The following COPB2 variants were observed in gnomAD, a reference collection of about 807,000 sequenced individuals.
COPB2 encodes coatomer subunit beta'.
In COPB2, 16 loss-of-function variants were observed where a neutral mutation model predicts 120.8. That is an observed-to-expected ratio of 0.13 (90% CI 0.09 to 0.20). The LOEUF (loss-of-function observed/expected upper bound fraction) is 0.20, where lower values mean the gene tolerates loss of function less well. COPB2 is among the 10% of genes least tolerant of loss of function. The probability of loss-of-function intolerance (pLI) is 1.00; values close to 1 mark genes in which losing one functional copy is unlikely to be tolerated. For missense variants in COPB2, 794 were observed against 1,076.5 expected (o/e 0.74, Z 3.67); for synonymous variants, 332 against 366.3 (o/e 0.91, Z 1.07).
intron 1 of COPB2, among the ~76,000 whole-genome samples, chr3:139,385,777 T>C (rs1398129794): frequency 2.6e-5 from 4 of 152,234 alleles, no homozygotes; most frequent in African/African-American, 7.2e-5. Flanking sequence ...AATGCCATTA[T>C]AGGAGAAAAG....
At chr3:139,383,719 G>T (rs1247311868) in intron 1 of COPB2, among the ~76,000 whole-genome samples, 3 of 152,208 alleles carry the variant, frequency 2.0e-5, no homozygotes, top group Middle Eastern at 6.8e-3. Context: ...TTTTGTTTAT[G>T]TGAGTTTTAG....
chr3:139,358,400 C>T lies in COPB2; in HGVS notation c.2554-129G>A. ...ATGTTTAAAAGTGAACCATCTCAGC[C>T]AGGCACAGTGGCTCACGCCTGTAAT... is the stretch of plus-strand genomic sequence containing the variant. On this transcript the variant is annotated intron_variant, in intron 20 of 21. Coordinates refer to ENST00000333188, the MANE Select transcript of COPB2 (RefSeq NM_004766.3). The T allele has an allele frequency of 3.6e-6, 3 of 822,798 alleles. No homozygotes were observed. In the South Asian group the frequency reaches 4.8e-5, roughly 13 times the overall value. 51.0% of individuals were successfully genotyped at this position (822,798 alleles called of 1,614,324 possible).
intron 15 of COPB2, among the ~76,000 whole-genome samples, chr3:139,363,422 T>C (rs1941462441): frequency 6.6e-6 from 1 of 152,210 alleles, no homozygotes; most frequent in Non-Finnish European, 1.5e-5. Flanking sequence ...AGACTCTTAA[T>C]GCCTGACGAT....
chr3:139,363,787 C>T (rs1941467246), intron 15 of COPB2, among the ~76,000 whole-genome samples: 1 of 152,172 alleles, frequency 6.6e-6, no homozygotes. Flanking sequence ...AATGTTTTAA[C>T]TTCTCAGCTT....
rs542412053 is a variant in COPB2 at position 139,375,347 on chromosome 3, A to G, written c.651+121T>C. On this transcript the variant is annotated intron_variant, in intron 6 of 21. Coordinates refer to ENST00000333188, the MANE Select transcript of COPB2 (RefSeq NM_004766.3). Reference sequence around the variant, plus strand: ...TTCTGGGAACACAGTTTAGGTGCAAATACTGATACCTTAAGTTATTATGCT... The same window carrying G: ...TTCTGGGAACACAGTTTAGGTGCAAGTACTGATACCTTAAGTTATTATGCT... 4 of 948,572 alleles carry G rather than the reference A, an allele frequency of 4.2e-6. No individual in the cohort carries two copies. In the South Asian group the frequency reaches 1.0e-4, roughly 25 times the overall value. The allele number at this position is 948,572 out of a possible 1,614,324, so 58.8% of individuals were successfully genotyped here. A position where few individuals can be genotyped will look rare whatever the true frequency, so the allele number is the denominator to read the frequency against.
intron 10 of COPB2, among the ~76,000 whole-genome samples, chr3:139,371,244 G>A (rs1445408917): frequency 6.6e-6 from 1 of 152,238 alleles, no homozygotes; most frequent in Non-Finnish European, 1.5e-5. Context: ...AGAATGGGCA[G>A]TGGGTACTAT....
At chr3:139,385,976 G>C (rs1941912030) in intron 1 of COPB2, among the ~76,000 whole-genome samples, 1 of 152,098 alleles carries the variant, frequency 6.6e-6, no homozygotes, top group Admixed American at 6.5e-5. Context: ...ATCATGAATG[G>C]GACAGAAATT....
chr3:139,360,473 A>G (rs1941395525), intron 17 of COPB2, among the ~76,000 whole-genome samples: 4 of 145,934 alleles, frequency 2.7e-5, no homozygotes, highest in Non-Finnish European at 6.0e-5. Context: ...AGCCGAGATC[A>G]TGCCACTGCA....
chr3:139,357,778 A>T lies in COPB2; in HGVS notation c.*85T>A. The T allele has an allele frequency of 1.7e-6, 1 of 600,000 alleles. No individual in the cohort carries two copies. The highest frequency in any genetic ancestry group is 2.7e-6 in the Non-Finnish European group (1 of 365,448). The allele number at this position is 600,000 out of a possible 1,614,324, so 37.2% of individuals were successfully genotyped here. A position where few individuals can be genotyped will look rare whatever the true frequency, so the allele number is the denominator to read the frequency against. ...TATAAAAATCTAAGAAGTTTCTCAT[A>T]GTCCAAAGCACTGTGGTCAGGGTAG... On this transcript the variant is annotated 3_prime_UTR_variant, in exon 22 of 22. Coordinates refer to ENST00000333188, the MANE Select transcript of COPB2 (RefSeq NM_004766.3).
chr3:139,385,446 A>G (rs929464548), intron 1 of COPB2: 17 of 150,718 alleles, frequency 1.1e-4, no homozygotes, highest in African/African-American at 3.6e-4. Context: ...ACCATAAAGC[A>G]TAATATTGAG....
In COPB2 at chr3:139,358,256, G is replaced by T. The variant is rs546968520; in HGVS notation, c.2569C>A (p.Pro857Thr). Reference sequence around the variant, plus strand: ...ACAATAACCGGAGTAGGAGAAGCAGGTTTCCCATCAAGTTCCTGAAACCAC... The same window carrying T: ...ACAATAACCGGAGTAGGAGAAGCAGTTTTCCCATCAAGTTCCTGAAACCAC... The part of the protein sequence containing the change: ...STAQQELDGK[P>T]ASPTPVIVAS... Residue 857 changes from proline (P) to threonine (T), a missense_variant, in exon 21 of 22, where the codon CCT (proline) becomes ACT (threonine). Pro to Thr is a conservative substitution (Grantham distance 38). Coordinates refer to ENST00000333188, the MANE Select transcript of COPB2 (RefSeq NM_004766.3). 1 of 1,614,076 alleles carries T rather than the reference G, an allele frequency of 6.2e-7. No individual in the cohort carries two copies. Among genetic ancestry groups the T allele is most frequent in the African/African-American group, 1.3e-5 (1 of 75,038 alleles).
chr3:139,368,820 T>C (rs954925692), intron 12 of COPB2, among the ~76,000 whole-genome samples: 2 of 152,168 alleles, frequency 1.3e-5, no homozygotes, highest in Non-Finnish European at 2.9e-5. Context: ...AAAGATAATC[T>C]CCTGACAGTG....
At chr3:139,363,162 AG>A (rs1225094669) in intron 15 of COPB2, among the ~76,000 whole-genome samples, 1 of 152,206 alleles carries the variant, frequency 6.6e-6, no homozygotes, top group Non-Finnish European at 1.5e-5. Context: ...TCCAAAAGAC[AG>A]GAAGTCTAAA....
intron 15 of COPB2, among the ~76,000 whole-genome samples, chr3:139,363,354 A>G (rs1490601770): frequency 3.3e-5 from 5 of 152,158 alleles, no homozygotes; most frequent in Non-Finnish European, 1.5e-5. Flanking sequence ...TTCTCATAGG[A>G]GCATGAACCC....
At chr3:139,365,992 G>A (rs1441194435) in intron 15 of COPB2, among the ~76,000 whole-genome samples, 1 of 152,152 alleles carries the variant, frequency 6.6e-6, no homozygotes, top group Admixed American at 6.5e-5. Context: ...CTTCTACAGA[G>A]GGGGAAGTCA....
chr3:139,379,643 G>A (rs577490488), intron 2 of COPB2, 177 bp from the exon 3 acceptor site: 204 of 564,584 alleles, frequency 3.6e-4, no homozygotes, highest in Non-Finnish European at 5.6e-4. Flanking sequence ...TCTTTTAATA[G>A]ATTCGAAATT....
At position 139,378,185 on chromosome 3, in the gene COPB2, G is replaced by A. The variant is rs774845226; in HGVS notation, c.360C>T (p.Asp120=). The change falls in exon 5 of 22, where the codon GAC becomes GAT. Residue 120 remains aspartate, a synonymous_variant. Coordinates refer to ENST00000333188, the MANE Select transcript of COPB2 (RefSeq NM_004766.3). ...CCCAGTCCCAGAGCTTAATAAGCAT[G>A]TCATCTAGGCCAAAAGAAAGTCTCA... The part of the protein sequence containing the change: ...TQPFILTSSD[D]MLIKLWDWDK... The A allele has an allele frequency of 1.9e-6, 3 of 1,561,786 alleles. No homozygotes were observed. Among genetic ancestry groups the A allele is most frequent in the Non-Finnish European group, 2.6e-6 (3 of 1,142,096 alleles).
chr3:139,370,311 C>T (rs184348835), intron 10 of COPB2, among the ~76,000 whole-genome samples: 250 of 152,294 alleles, frequency 1.6e-3, no homozygotes, highest in African/African-American at 5.5e-3. Context: ...GCAGCATATA[C>T]AATGTGGATA....
rs1376475288 is a variant in COPB2 at position 139,357,677 on chromosome 3, G to GTGAT, written c.*182_*185dup. The GTGAT allele has an allele frequency of 1.9e-5, 8 of 423,298 alleles. No individual in the cohort carries two copies. The highest frequency in any genetic ancestry group is 1.2e-3 in the Middle Eastern group (2 of 1,684). The allele number at this position is 423,298 out of a possible 1,614,324, so 26.2% of individuals were successfully genotyped here. A position where few individuals can be genotyped will look rare whatever the true frequency, so the allele number is the denominator to read the frequency against. ...TGTTTTAGTTAACAAGGAAAACACA[G>GTGAT]TGATTTAAATGCTGCACATAAACTC... On this transcript the variant is annotated 3_prime_UTR_variant, in exon 22 of 22. Coordinates refer to ENST00000333188, the MANE Select transcript of COPB2 (RefSeq NM_004766.3).
Sources: gnomAD v4.1 joint callset for allele counts (sites outside exome capture counted in the v4.1 genomes callset) on GRCh38, gnomAD v4.1.1 for gene constraint, MANE v1.5 for transcripts, NCBI Gene and HGNC (gene_info 2026-07-23, HGNC 2026-07-21) for gene names.